FAM13C: variants seen among roughly 807,000 people sequenced by gnomAD.
FAM13C encodes protein FAM13C.
A neutral mutation model predicts 73.2 loss-of-function variants in FAM13C; 37 were observed. That is an observed-to-expected ratio of 0.51 (90% confidence interval 0.39 to 0.67). The LOEUF is 0.67. Ranked by LOEUF, FAM13C falls within the 30% of genes least tolerant of loss-of-function variation. The pLI is 0.00. For synonymous variants in FAM13C, 246 were observed against 260.9 expected, an observed-to-expected ratio of 0.94 and a Z score of 0.55; for missense variants, 589 against 715.6, an observed-to-expected ratio of 0.82 and a Z score of 2.02.
intron 6 of FAM13C, among the ~76,000 whole-genome samples, chr10:59,274,866 G>C (rs1844148122): frequency 6.6e-6 from 1 of 152,156 alleles, no homozygotes; most frequent in Non-Finnish European, 1.5e-5. Flanking sequence ...CCAGGTCCAG[G>C]GTTCTCCCTG....
At chr10:59,331,215 G>A (rs1230801250) in intron 3 of FAM13C, among the ~76,000 whole-genome samples, 1 of 152,204 alleles carries the variant, frequency 6.6e-6, no homozygotes, top group East Asian at 1.9e-4. Context: ...GCTACAATAG[G>A]ATAAGGACAA....
chr10:59,317,167 T>C (rs997049081), intron 4 of FAM13C, among the ~76,000 whole-genome samples: 1 of 151,364 alleles, frequency 6.6e-6, no homozygotes, highest in African/African-American at 2.4e-5. Flanking sequence ...GTATTTAATG[T>C]AAATCTTGAA....
chr10:59,286,237 GA>G (rs1377500293), intron 5 of FAM13C, among the ~76,000 whole-genome samples: 5 of 152,238 alleles, frequency 3.3e-5, no homozygotes, highest in Admixed American at 2.6e-4. Context: ...ATCGAAGCTG[GA>G]AGCGGTGGCC....
chr10:59,255,703 GA>G (rs1468346497), intron 10 of FAM13C, among the ~76,000 whole-genome samples: 2 of 152,086 alleles, frequency 1.3e-5, no homozygotes, highest in African/African-American at 4.8e-5. Context: ...TGAAAGAAAA[GA>G]AAATGTCTCA....
intron 3 of FAM13C, among the ~76,000 whole-genome samples, chr10:59,351,763 G>C (rs1257269316): frequency 6.6e-6 from 1 of 152,168 alleles, no homozygotes; most frequent in African/African-American, 2.4e-5. Context: ...GGAGGCCGAG[G>C]CGGGTGGATC....
intron 5 of FAM13C, among the ~76,000 whole-genome samples, chr10:59,290,079 G>A (rs1017388774): frequency 6.6e-6 from 1 of 152,140 alleles, no homozygotes; most frequent in Non-Finnish European, 1.5e-5. Context: ...ACGTAGGTGT[G>A]GTTTTCTTTA....
chr10:59,269,417 T>TACACACACACACAC (rs10532470), intron 7 of FAM13C, among the ~76,000 whole-genome samples: 3,001 of 146,630 alleles, frequency 0.02, 62 homozygotes, highest in African/African-American at 0.048. Context: ...GGCATCCGAT[T>TACACACACACACAC]ACACACACAC....
chr10:59,295,289 G>A (rs569664463), intron 5 of FAM13C, among the ~76,000 whole-genome samples: 7 of 152,198 alleles, frequency 4.6e-5, no homozygotes, highest in African/African-American at 7.2e-5. Flanking sequence ...TGGACCAATC[G>A]GGGAGGCCTT....
intron 4 of FAM13C, among the ~76,000 whole-genome samples, chr10:59,321,440 T>TG (rs1467019744): frequency 7.0e-6 from 1 of 142,962 alleles, no homozygotes; most frequent in African/African-American, 2.8e-5. Context: ...ACCTTTTTTT[T>TG]TTTTTTTTTT....
At chr10:59,352,945 C>T (rs966612416) in intron 2 of FAM13C, among the ~76,000 whole-genome samples, 1 of 152,196 alleles carries the variant, frequency 6.6e-6, no homozygotes, top group Admixed American at 6.5e-5. Flanking sequence ...GTTCTTGGTT[C>T]AAGGCACCAT....
chr10:59,338,523 G>A (rs1051717568), intron 3 of FAM13C, among the ~76,000 whole-genome samples: 10 of 152,160 alleles, frequency 6.6e-5, no homozygotes, highest in Admixed American at 4.6e-4. Context: ...CTAACATCCT[G>A]CACAAAGCGT....
rs1319754932 is a variant in FAM13C, at chr10:59,362,384, G to C, written c.62+15C>G. On this transcript the variant is annotated intron_variant, in intron 1 of 13. Coordinates refer to ENST00000618804, the MANE Select transcript of FAM13C (RefSeq NM_198215.4). ...AAGGCATGCAAGTCTAATTTTAATG[G>C]TAAGAATCACTTACTCTGTTACAGT... 1 of 1,613,286 alleles carries C rather than the reference G, an allele frequency of 6.2e-7. No individual in the cohort carries two copies. Among genetic ancestry groups the C allele is most frequent in the Admixed American group, 1.7e-5 (1 of 59,914 alleles).
Position 59,270,071 on chromosome 10 carries a change from C to T in FAM13C, c.631G>A (p.Asp211Asn), listed in dbSNP as rs368410005. ...PVHKDGQNEA[D>N]SAPEDLHSVG... ...GAGTGGAGGTCTTCTGGTGCACTGT[C>T]GGCCTCATTCTGCCCATCTTTGTGG... The change falls in exon 7 of 14, where the codon GAC (aspartate) becomes AAC (asparagine). Residue 211 changes from aspartate to asparagine, a missense_variant. Asp to Asn is a conservative substitution (Grantham distance 23, BLOSUM62 1). Coordinates refer to ENST00000618804, the MANE Select transcript of FAM13C (RefSeq NM_198215.4). The T allele has an allele frequency of 3.3e-5, 53 of 1,613,466 alleles. No homozygotes were observed. Among genetic ancestry groups the T allele is most frequent in the Middle Eastern group, 1.7e-4 (1 of 5,828 alleles).
intron 10 of FAM13C, among the ~76,000 whole-genome samples, chr10:59,261,949 A>G (rs940416626): frequency 6.6e-6 from 1 of 152,130 alleles, no homozygotes; most frequent in African/African-American, 2.4e-5. Flanking sequence ...AAAGCTGAAG[A>G]CTTGTATTTC....
intron 2 of FAM13C, 78 bp downstream of exon 2, chr10:59,355,809 T>A (rs1264409159): frequency 6.8e-5 from 88 of 1,288,898 alleles, no homozygotes; most frequent in Non-Finnish European, 9.8e-5. Flanking sequence ...AAGAAGAGAC[T>A]AGAATTCAAA....
intron 3 of FAM13C, among the ~76,000 whole-genome samples, chr10:59,341,113 G>T (rs1416569304): frequency 6.6e-6 from 1 of 152,008 alleles, no homozygotes; most frequent in African/African-American, 2.4e-5. Context: ...CTGGTAGGTC[G>T]CACCTTTAGT....
intron 6 of FAM13C, among the ~76,000 whole-genome samples, chr10:59,273,521 C>T (rs1843963419): frequency 6.6e-6 from 1 of 151,786 alleles, no homozygotes; most frequent in Non-Finnish European, 1.5e-5. Flanking sequence ...TATGAAGTGA[C>T]TCACTGTGTC....
chr10:59,254,068 A>G (rs546678803), intron 11 of FAM13C: 4 of 372,044 alleles, frequency 1.1e-5, no homozygotes, highest in African/African-American at 4.2e-5. Context: ...ACTGAAATCT[A>G]TCATTTCTTT....
At chr10:59,328,839 A>G (rs1851535733) in intron 3 of FAM13C, among the ~76,000 whole-genome samples, 1 of 152,234 alleles carries the variant, frequency 6.6e-6, no homozygotes, top group Non-Finnish European at 1.5e-5. Context: ...CATGATTAAT[A>G]TATCTGATAG....
Sources: allele counts gnomAD v4.1 joint callset (sites outside exome capture counted in the v4.1 genomes callset), GRCh38; gene constraint gnomAD v4.1.1; transcripts MANE v1.5; gene names NCBI Gene and HGNC (gene_info 2026-07-23, HGNC 2026-07-21).